AASS: variants seen among roughly 807,000 people sequenced by gnomAD.
The protein encoded by AASS is aminoadipate-semialdehyde synthase, also known as alpha-aminoadipic semialdehyde synthase, mitochondrial.
A neutral mutation model predicts 105.4 loss-of-function variants in AASS; 86 were observed. The ratio of observed to expected loss-of-function variants is 0.82; its 90% confidence interval spans 0.69 to 0.98. AASS has a LOEUF of 0.98. AASS is among the 50% of genes least tolerant of loss of function. AASS has a pLI of 0.00. For missense variants in AASS, 1,048 were observed against 1,143.2 expected (o/e 0.92, Z 1.20); for synonymous variants, 381 against 394.8 (o/e 0.96, Z 0.41).
At chr7:122,085,203 C>A (rs1302892000) in intron 19 of AASS, among the ~76,000 whole-genome samples, 1 of 152,132 alleles carries the variant, frequency 6.6e-6, no homozygotes, top group Non-Finnish European at 1.5e-5. Flanking sequence ...AAGGCACCAA[C>A]CCTACTCACA....
chr7:122,081,819 C>T, intron 19 of AASS: 1 of 519,510 alleles, frequency 1.9e-6, no homozygotes, highest in East Asian at 3.4e-5. Context: ...GATATAGATA[C>T]AACCAATTTC....
At chr7:122,096,493 T>A (rs1215587205) in intron 15 of AASS, among the ~76,000 whole-genome samples, 1 of 151,996 alleles carries the variant, frequency 6.6e-6, no homozygotes, top group Non-Finnish European at 1.5e-5. Flanking sequence ...CTAGGCATAG[T>A]GGCAAGTGCC....
Position 122,098,560 on chromosome 7 carries a change from A to G in AASS, c.1545T>C (p.Asn515=). The G allele has an allele frequency of 6.2e-7, 1 of 1,609,368 alleles. No homozygotes were observed. Residue 515 remains asparagine, a synonymous_variant, in exon 15 of 24, where the codon AAT becomes AAC. Coordinates refer to ENST00000417368, the MANE Select transcript of AASS (RefSeq NM_005763.4). Reference sequence around the variant, plus strand: ...ATTTCTTGCCTAACTGTTCAATTTGATTCTTCATGTCAGATCCTATTTCAG... The same window carrying G: ...ATTTCTTGCCTAACTGTTCAATTTGGTTCTTCATGTCAGATCCTATTTCAG... ...IEITVGSDMK[N]QIEQLGKKYN...
At position 122,093,259 on chromosome 7, in the gene AASS, T is replaced by A. The variant is rs1305534397; in HGVS notation, c.1656-101A>T. ...GCTGCATCTTAAGGTACTGTTCTGA[T>A]TAAATTATTCTCTCAGAAAAGGGAA... On this transcript the variant is annotated intron_variant, in intron 15 of 23. Coordinates refer to ENST00000417368, the MANE Select transcript of AASS (RefSeq NM_005763.4). The A allele has an allele frequency of 1.8e-5, 16 of 882,366 alleles. No individual in the cohort carries two copies. The East Asian group carries it at 4.0e-4, about 22-fold the overall frequency. The allele number at this position is 882,366 out of a possible 1,614,324, so 54.7% of individuals were successfully genotyped here. A position where few individuals can be genotyped will look rare whatever the true frequency, so the allele number is the denominator to read the frequency against.
At chr7:122,090,113 C>T (rs766963694) in intron 18 of AASS, among the ~76,000 whole-genome samples, 28 of 152,140 alleles carry the variant, frequency 1.8e-4, no homozygotes, top group African/African-American at 5.3e-4. Flanking sequence ...AGGAAACTGA[C>T]ATCCGGTAGA....
chr7:122,142,536 A>G (rs1037001276), intron 1 of AASS, among the ~76,000 whole-genome samples: 1 of 152,204 alleles, frequency 6.6e-6, no homozygotes, highest in African/African-American at 2.4e-5. Flanking sequence ...TTAATGTTGT[A>G]TTTCATCAAA....
intron 1 of AASS, among the ~76,000 whole-genome samples, chr7:122,139,824 T>C (rs372781938): frequency 7.2e-5 from 11 of 152,082 alleles, no homozygotes; most frequent in African/African-American, 2.7e-4. Flanking sequence ...TGGTGGCGCA[T>C]GCTGGTAGTC....
chr7:122,076,693 A>T (rs1793030196), intron 23 of AASS, 86 bp from the exon 24 acceptor site: 1 of 1,013,664 alleles, frequency 9.9e-7, no homozygotes, highest in African/African-American at 1.6e-5. Flanking sequence ...AAAGAAGCAA[A>T]CTCAGAGTCA....
chr7:122,131,033 CA>C (rs200717404), intron 2 of AASS, among the ~76,000 whole-genome samples: 1,708 of 88,332 alleles, frequency 0.019, 27 homozygotes, highest in East Asian at 0.056. Context: ...TTTATTTTTG[CA>C]AAAAAAAAAA....
chr7:122,091,257 C>T (rs1328250608), intron 18 of AASS, among the ~76,000 whole-genome samples: 1 of 152,106 alleles, frequency 6.6e-6, no homozygotes, highest in Non-Finnish European at 1.5e-5. Context: ...ATTATAGTTT[C>T]TTTCCCCAGC....
At chr7:122,132,264 TAG>T (rs1795950147) in intron 2 of AASS, among the ~76,000 whole-genome samples, 1 of 152,078 alleles carries the variant, frequency 6.6e-6, no homozygotes. Context: ...TGCACTGTAA[TAG>T]AACAGTTCAC....
intron 15 of AASS, among the ~76,000 whole-genome samples, chr7:122,094,960 G>A (rs1260581211): frequency 6.6e-6 from 1 of 151,982 alleles, no homozygotes; most frequent in Non-Finnish European, 1.5e-5. Flanking sequence ...GCCCACGACA[G>A]AAAACCCCAA....
In AASS at chr7:122,076,541, C is replaced by T. The variant is rs770967736; in HGVS notation, c.2729G>A (p.Arg910Gln). The T allele has an allele frequency of 6.0e-5, 97 of 1,613,844 alleles. No individual in the cohort carries two copies. The highest frequency in any genetic ancestry group is 5.0e-4 in the Middle Eastern group (3 of 6,060). Residue 910 changes from arginine to glutamine, a missense_variant, in exon 24 of 24, where the codon CGA becomes CAA. Physicochemically the swap from Arg to Gln is conservative, Grantham distance 43. Coordinates refer to ENST00000417368, the MANE Select transcript of AASS (RefSeq NM_005763.4). ...ATATATAATGCCTTCTGCTTTAATT[C>T]GCTCCAATATTGGTCCATAGATCTC... ...SKEIYGPILE[R>Q]IKAEGIIYTT...
In AASS at chr7:122,113,599, T is replaced by C. The variant is rs1470518426; in HGVS notation, c.1165A>G (p.Ser389Gly). The change falls in exon 10 of 24, where the codon AGT becomes GGT. Residue 389 changes from serine (S) to glycine (G), a missense_variant and splice_region_variant. By Grantham distance (56) the Ser-to-Gly change is moderately conservative. Transcript: ENST00000417368. ...YDADQHIIHD[S>G]VEGSGILMCS... Reference sequence around the variant, plus strand: ...ATCTAACAACTTTAGCAAACTCACCTGTCATGAATAATATGCTGGTCTGCA... The same window carrying C: ...ATCTAACAACTTTAGCAAACTCACCCGTCATGAATAATATGCTGGTCTGCA... 1 of 1,613,464 alleles carries C rather than the reference T, an allele frequency of 6.2e-7. No individual in the cohort carries two copies. The highest frequency in any genetic ancestry group is 8.5e-7 in the Non-Finnish European group (1 of 1,179,908).
rs538567402 is a variant in AASS at position 122,093,291 on chromosome 7, T to C, written c.1656-133A>G. The C allele has an allele frequency of 6.3e-5, 47 of 741,760 alleles. No individual in the cohort carries two copies. In the South Asian group the frequency reaches 6.7e-4, roughly 11 times the overall value. The allele number at this position is 741,760 out of a possible 1,614,324, so 45.9% of individuals were successfully genotyped here. A position where few individuals can be genotyped will look rare whatever the true frequency, so the allele number is the denominator to read the frequency against. ...ATTCTCTCAGAAAAGGGAACACTTA[T>C]ACACTGTTGGTGGGAATGTAAATTA... is the stretch of plus-strand genomic sequence containing the variant. On this transcript the variant is annotated intron_variant, in intron 15 of 23. Transcript: ENST00000417368.
rs761154340 is a variant in AASS, at chr7:122,126,452, C to T, written c.395G>A (p.Arg132His). The T allele has an allele frequency of 2.6e-5, 42 of 1,613,398 alleles. No homozygotes were observed. The highest frequency in any genetic ancestry group is 3.1e-5 in the Non-Finnish European group (37 of 1,179,634). Reference protein sequence around the residue: ...LLDEILKQEIRLIDYEKMVDH... With the variant: ...LLDEILKQEIHLIDYEKMVDH... ...CACCATTTTCTCATAATCAATAAGG[C>T]GAATTTCCTGAAAAGAGGATAAAAA... Residue 132 changes from arginine to histidine, a missense_variant, in exon 4 of 24, where the codon CGC (arginine) becomes CAC (histidine). Physicochemically the swap from Arg to His is conservative, Grantham distance 29 (BLOSUM62 0). Coordinates refer to ENST00000417368, the MANE Select transcript of AASS (RefSeq NM_005763.4).
chr7:122,143,529 G>T (rs1009291684), intron 1 of AASS, among the ~76,000 whole-genome samples: 6 of 151,474 alleles, frequency 4.0e-5, no homozygotes, highest in African/African-American at 1.5e-4. Context: ...GGGCTGAAGA[G>T]TTCAGGAAAC....
chr7:122,097,694 G>C (rs1033597794), intron 15 of AASS, among the ~76,000 whole-genome samples: 2 of 152,018 alleles, frequency 1.3e-5, no homozygotes, highest in African/African-American at 2.4e-5. Context: ...CTGTTGCTAT[G>C]ATGAGACTTA....
At chr7:122,090,992 T>G (rs1203673514) in intron 18 of AASS, among the ~76,000 whole-genome samples, 1 of 152,130 alleles carries the variant, frequency 6.6e-6, no homozygotes, top group Non-Finnish European at 1.5e-5. Flanking sequence ...TCTGTAGCTC[T>G]GAGCCACTTT....
Sources: gnomAD v4.1 joint callset for allele counts (sites outside exome capture counted in the v4.1 genomes callset) on GRCh38, gnomAD v4.1.1 for gene constraint, MANE v1.5 for transcripts, NCBI Gene and HGNC (gene_info 2026-07-23, HGNC 2026-07-21) for gene names.